Variants in TMF1 observed in about 807,000 individuals in gnomAD.
TMF1 encodes TATA element modulatory factor 1, also known as TATA element modulatory factor.
Under a neutral mutation model 126.5 loss-of-function variants are expected in TMF1, and 71 were observed. The observed-to-expected ratio is 0.56, with a 90% CI of 0.46 to 0.68. The LOEUF is 0.68. Ranked by LOEUF, TMF1 falls within the 30% of genes least tolerant of loss-of-function variation. The pLI, the probability that TMF1 is intolerant of heterozygous loss-of-function variation, is 0.00. For missense variants in TMF1, 1,259 were observed against 1,253.2 expected, an observed-to-expected ratio of 1.00 and a Z score of -0.07; for synonymous variants, 461 against 430.5, an observed-to-expected ratio of 1.07 and a Z score of -0.88.
chr3:69,030,524 G>A (rs1347889634), intron 10 of TMF1: 1 of 152,210 alleles, frequency 6.6e-6, no homozygotes, highest in Non-Finnish European at 1.5e-5. Context: ...TGAAGAGGAT[G>A]AAAAGGCAAA....
chr3:69,034,245 G>A (rs568886563), intron 9 of TMF1, among the ~76,000 whole-genome samples: 1 of 152,254 alleles, frequency 6.6e-6, no homozygotes, highest in African/African-American at 2.4e-5. Flanking sequence ...GGCTGAGGTG[G>A]GTGGATCACC....
At position 69,044,476 on chromosome 3, in the gene TMF1, T is replaced by C; in HGVS notation, c.1451+16A>G. On this transcript the variant is annotated intron_variant, in intron 3 of 16. Transcript: ENST00000398559. ...CAGAAAATGTGTAACATTATTCACA[T>C]TTGCAGAATACTTACTCTTTCAGGT... 8 of 1,393,008 alleles carry C rather than the reference T, an allele frequency of 5.7e-6. No individual in the cohort carries two copies. Among genetic ancestry groups the C allele is most frequent in the Non-Finnish European group, 8.0e-6 (8 of 1,000,588 alleles). 86.3% of individuals were successfully genotyped at this position (1,393,008 alleles called of 1,614,324 possible). A position where few individuals can be genotyped will look rare whatever the true frequency, so the allele number is the denominator to read the frequency against.
chr3:69,052,167 T>C lies in TMF1; in HGVS notation c.-81A>G. Reference sequence around the variant, plus strand: ...CTGGGGAAGGGTGCAGAGGAACGGCTTCGCTCCCCTTTTCCACTCGGCTGG... The same window carrying C: ...CTGGGGAAGGGTGCAGAGGAACGGCCTCGCTCCCCTTTTCCACTCGGCTGG... On this transcript the variant is annotated 5_prime_UTR_variant, in exon 1 of 17. Coordinates refer to ENST00000398559, the MANE Select transcript of TMF1 (RefSeq NM_007114.3). 1 of 1,429,622 alleles carries C rather than the reference T, an allele frequency of 7.0e-7. No homozygotes were observed. The highest frequency in any genetic ancestry group is 1.4e-5 in the South Asian group (1 of 72,560). The allele number at this position is 1,429,622 out of a possible 1,614,324, so 88.6% of individuals were successfully genotyped here.
intron 15 of TMF1, 67 bp downstream of exon 15, chr3:69,025,493 G>T: frequency 1.4e-6 from 2 of 1,432,384 alleles, no homozygotes; most frequent in Non-Finnish European, 1.9e-6. Flanking sequence ...AGATGGAAAT[G>T]AAGGGTGCTA....
At chr3:69,034,484 A>AT (rs2091821765) in intron 9 of TMF1, among the ~76,000 whole-genome samples, 1 of 152,190 alleles carries the variant, frequency 6.6e-6, no homozygotes, top group South Asian at 2.1e-4. Flanking sequence ...AAATAAAGAA[A>AT]TTAAATAAAT....
At position 69,052,056 on chromosome 3, in the gene TMF1, T is replaced by G; in HGVS notation, c.31A>C (p.Ser11Arg). The change falls in exon 1 of 17, where the codon AGC becomes CGC. Residue 11 changes from serine (S) to arginine (R), a missense_variant. Physicochemically the swap from Ser to Arg is moderately radical, Grantham distance 110. Transcript: ENST00000398559. MSWFNASQLS[S>R]FAKQALSQAQ... ...TGGGACAGGGCCTGCTTAGCGAAGC[T>G]GGAGAGCTGGGAGGCGTTGAACCAA... The G allele has an allele frequency of 1.2e-6, 2 of 1,613,084 alleles. No homozygotes were observed. The highest frequency in any genetic ancestry group is 2.2e-5 in the South Asian group (2 of 90,982).
chr3:69,035,816 G>A (rs924173603), intron 8 of TMF1, among the ~76,000 whole-genome samples: 7 of 151,856 alleles, frequency 4.6e-5, no homozygotes, highest in African/African-American at 1.2e-4. Flanking sequence ...AAAATAACAC[G>A]TAAGACATCA....
intron 9 of TMF1, 93 bp from the exon 10 acceptor site, chr3:69,033,797 T>C (rs1453343674): frequency 1.7e-6 from 2 of 1,169,502 alleles, no homozygotes; most frequent in East Asian, 5.0e-5. Context: ...TCCTGGAAAA[T>C]TATTTTTCCA....
At position 69,039,079 on chromosome 3, in the gene TMF1, G is replaced by GA. The variant is rs1173582906; in HGVS notation, c.1828-71dup. The stretch of plus-strand genomic sequence containing the variant: ...ACCATGGTAAATAACTGTATTCCAG[G>GA]AATCTATAATAATGGAGAAAAATAT... On this transcript the variant is annotated intron_variant, in intron 6 of 16. Transcript: ENST00000398559. 8 of 1,180,830 alleles carry GA rather than the reference G, an allele frequency of 6.8e-6. No homozygotes were observed. The African/African-American group carries it at 9.4e-5, about 14-fold the overall frequency. 73.1% of individuals were successfully genotyped at this position (1,180,830 alleles called of 1,614,324 possible).
At position 69,026,076 on chromosome 3, in the gene TMF1, A is replaced by C. The variant is rs1439769885; in HGVS notation, c.2779T>G (p.Ser927Ala). The C allele has an allele frequency of 6.2e-7, 1 of 1,613,932 alleles. No homozygotes were observed. Among genetic ancestry groups the C allele is most frequent in the East Asian group, 2.2e-5 (1 of 44,876 alleles). The change falls in exon 14 of 17, where the codon TCT (serine) becomes GCT (alanine). Residue 927 changes from serine (S) to alanine (A), a missense_variant. By Grantham distance (99) the Ser-to-Ala change is moderately conservative. Transcript: ENST00000398559. ...GAGCGTGACATGGTGGGAGTGCTAG[A>C]AACAGAAAATGGCTTGCGTTCCTTA... ...KEKERKPFSV[S>A]STPTMSRSSS...
Position 69,047,490 on chromosome 3 carries a change from A to G in TMF1, c.1215T>C (p.Cys405=), listed in dbSNP as rs778132977. ...AAGAAACCAAGATATCAGGCTGTTCACAGTTAACAGGAGTTGCACTTCGTC... is the reference window on the plus strand; with the variant it reads ...AAGAAACCAAGATATCAGGCTGTTCGCAGTTAACAGGAGTTGCACTTCGTC... ...ESGRSATPVN[C]EQPDILVSST... The change falls in exon 2 of 17, where the codon TGT becomes TGC. Residue 405 remains cysteine (C), a synonymous_variant. Coordinates refer to ENST00000398559, the MANE Select transcript of TMF1 (RefSeq NM_007114.3). 2 of 1,614,226 alleles carry G rather than the reference A, an allele frequency of 1.2e-6. No individual in the cohort carries two copies. The highest frequency in any genetic ancestry group is 2.2e-5 in the East Asian group (1 of 44,878).
intron 1 of TMF1, among the ~76,000 whole-genome samples, chr3:69,049,321 C>T (rs1345207431): frequency 1.3e-5 from 2 of 152,220 alleles, no homozygotes; most frequent in Non-Finnish European, 2.9e-5. Flanking sequence ...CTGCAGTGAG[C>T]CATGATCAAA....
intron 15 of TMF1, 185 bp from the exon 16 acceptor site, chr3:69,024,365 T>C (rs974227976): frequency 2.8e-5 from 13 of 458,198 alleles, no homozygotes; most frequent in Admixed American, 4.3e-5. Flanking sequence ...GGTCCCAACT[T>C]TCCTGAGAGG....
In TMF1 at chr3:69,042,832, C is replaced by T; in HGVS notation, c.1659G>A (p.Glu553=). The T allele has an allele frequency of 6.2e-7, 1 of 1,613,638 alleles. No individual in the cohort carries two copies. Among genetic ancestry groups the T allele is most frequent in the African/African-American group, 1.3e-5 (1 of 75,036 alleles). Residue 553 remains glutamate (E), a synonymous_variant, in exon 5 of 17, where the codon GAG becomes GAA. Coordinates refer to ENST00000398559, the MANE Select transcript of TMF1 (RefSeq NM_007114.3). ...ETADLLKEKD[E]QIRGLMEEGE... ...CTTCTTCCATTAACCCTCGGATCTGCTCATCTTTCTCTTTCAAAAGGTCTG... is the reference window on the plus strand; with the variant it reads ...CTTCTTCCATTAACCCTCGGATCTGTTCATCTTTCTCTTTCAAAAGGTCTG...
At chr3:69,025,940 A>C in intron 14 of TMF1, 56 bp downstream of exon 14, 3 of 1,426,844 alleles carry the variant, frequency 2.1e-6, no homozygotes, top group Admixed American at 3.7e-5. Context: ...TGCCATTTGC[A>C]TATTTCCTTT....
intron 8 of TMF1, among the ~76,000 whole-genome samples, chr3:69,038,284 T>A (rs1455384818): frequency 2.6e-5 from 4 of 152,190 alleles, no homozygotes; most frequent in African/African-American, 9.7e-5. Context: ...ATATGCAATA[T>A]GTATGTGCAT....
At chr3:69,042,609 C>T in intron 5 of TMF1, 198 bp downstream of exon 5, 1 of 677,120 alleles carries the variant, frequency 1.5e-6, no homozygotes, top group Non-Finnish European at 2.7e-6. Context: ...TTCCAAAAAA[C>T]AAAAGCTAGA....
chr3:69,023,610 T>G (rs9862298), intron 16 of TMF1, among the ~76,000 whole-genome samples: 1 of 151,870 alleles, frequency 6.6e-6, no homozygotes, highest in Admixed American at 6.6e-5. Context: ...ACACTTGATA[T>G]AAAATTTAGT....
At chr3:69,042,687 TTTACG>T in intron 5 of TMF1, 115 bp downstream of exon 5, 1 of 806,172 alleles carries the variant, frequency 1.2e-6, no homozygotes, top group East Asian at 2.6e-5. Context: ...ATTTCTATGG[TTTACG>T]TCCAAACCCT....
Sources: allele counts gnomAD v4.1 joint callset (sites outside exome capture counted in the v4.1 genomes callset), GRCh38; gene constraint gnomAD v4.1.1; transcripts MANE v1.5; gene names NCBI Gene and HGNC (gene_info 2026-07-23, HGNC 2026-07-21).